PPP6R2: variants seen among roughly 807,000 people sequenced by gnomAD.
PPP6R2 encodes protein phosphatase 6 regulatory subunit 2, also known as serine/threonine-protein phosphatase 6 regulatory subunit 2.
A neutral mutation model predicts 100.2 loss-of-function variants in PPP6R2; 62 were observed. That is an observed-to-expected ratio of 0.62 (90% CI 0.50 to 0.76). The LOEUF (loss-of-function observed/expected upper bound fraction) is 0.76. Ranked by LOEUF, PPP6R2 falls within the 30% of genes least tolerant of loss-of-function variation. The pLI is 0.00. For synonymous variants in PPP6R2, 525 were observed against 514.7 expected (o/e 1.02, Z -0.27); for missense variants, 1,142 against 1,276.3 (o/e 0.89, Z 1.60).
chr22:50,357,354 T>C (rs550960888), intron 1 of PPP6R2, among the ~76,000 whole-genome samples: 4 of 152,252 alleles, frequency 2.6e-5, no homozygotes, highest in South Asian at 4.2e-4. Context: ...TTTTTTGTTA[T>C]ACTAGTTGCT....
At chr22:50,393,567 G>A (rs1372124167) in intron 2 of PPP6R2, 3 of 979,944 alleles carry the variant, frequency 3.1e-6, no homozygotes, top group African/African-American at 1.8e-5. Context: ...AAAGGAGGGG[G>A]TTAGCCCAGA....
intron 2 of PPP6R2, chr22:50,392,063 A>G (rs1242969478): frequency 6.6e-6 from 1 of 151,952 alleles, no homozygotes; most frequent in East Asian, 1.9e-4. Flanking sequence ...AGTATCTGAT[A>G]TGTGTGTGGA....
At chr22:50,341,050 G>A (rs2042364594), upstream of PPP6R2, among the ~76,000 whole-genome samples, 1 of 151,998 alleles carries the variant, frequency 6.6e-6, no homozygotes, top group South Asian at 2.1e-4. Context: ...AGCTGGGACT[G>A]CAGGCGCCCG....
At chr22:50,346,639 C>T (rs2043808987) in intron 1 of PPP6R2, among the ~76,000 whole-genome samples, 1 of 144,612 alleles carries the variant, frequency 6.9e-6, no homozygotes, top group African/African-American at 2.6e-5. Context: ...CATCAGTGCC[C>T]CCCACCGTCA....
chr22:50,383,113 C>G (rs779090684), intron 2 of PPP6R2, among the ~76,000 whole-genome samples: 14 of 152,164 alleles, frequency 9.2e-5, no homozygotes, highest in Non-Finnish European at 1.9e-4. Flanking sequence ...TCTGGGATTA[C>G]AGGCATAAGC....
chr22:50,382,364 T>C lies in PPP6R2; in HGVS notation c.-17+10214T>C, dbSNP rs551970178. The stretch of plus-strand genomic sequence containing the variant: ...CTGTAATCCCAGCACTTTGGGAGGC[T>C]AAGGCGGGCGGATCACAAGGTCAGG... On this transcript the variant is annotated intron_variant, in intron 2 of 23. Coordinates refer to ENST00000612753, the MANE Select transcript of PPP6R2 (RefSeq NM_001242898.2). Among the ~76,000 whole-genome samples, 169 of 151,936 alleles carry C rather than the reference T, an allele frequency of 1.1e-3. 1 individual carries two copies. Among genetic ancestry groups the C allele is most frequent in the Middle Eastern group, 3.4e-3 (1 of 294 alleles).
At chr22:50,414,516 CG>C (rs1556227576) in intron 4 of PPP6R2, 35 bp from the exon 5 acceptor site, 2 of 1,606,578 alleles carry the variant, frequency 1.2e-6, no homozygotes, top group Non-Finnish European at 1.7e-6. Flanking sequence ...TTGTCAGGGT[CG>C]GCCCCGCCTG....
At chr22:50,414,723 C>CA (rs1569453363) in intron 5 of PPP6R2, 34 bp downstream of exon 5, 1 of 1,599,112 alleles carries the variant, frequency 6.3e-7, no homozygotes, top group East Asian at 2.2e-5. Flanking sequence ...TTCCCGAGGG[C>CA]AGGGGTGCTG....
intron 1 of PPP6R2, among the ~76,000 whole-genome samples, chr22:50,355,931 C>T (rs1469072435): frequency 6.7e-6 from 1 of 149,998 alleles, no homozygotes; most frequent in Non-Finnish European, 1.5e-5. Flanking sequence ...TTATGGGGTA[C>T]ATAGTGATGT....
intron 2 of PPP6R2, among the ~76,000 whole-genome samples, chr22:50,377,845 A>G (rs1282611920): frequency 6.6e-6 from 1 of 152,092 alleles, no homozygotes; most frequent in Non-Finnish European, 1.5e-5. Context: ...TGTCTCTACT[A>G]AAAACACAAA....
chr22:50,443,810 C>A (rs1004439150), intron 22 of PPP6R2, 56 bp from the exon 23 acceptor site: 2 of 1,513,606 alleles, frequency 1.3e-6, no homozygotes, highest in African/African-American at 1.4e-5. Flanking sequence ...GGGCATGAGG[C>A]GGGGTGGCAC....
upstream of PPP6R2, among the ~76,000 whole-genome samples, chr22:50,338,732 AGT>A (rs755621747): frequency 3.3e-3 from 205 of 61,818 alleles, no homozygotes; most frequent in East Asian, 0.014. Context: ...TGTGGTGTGT[AGT>A]GTGTGTGTTA....
chr22:50,339,559 GTGTGTGGTA>G, upstream of PPP6R2, among the ~76,000 whole-genome samples: 1 of 141,400 alleles, frequency 7.1e-6, no homozygotes, highest in Middle Eastern at 3.8e-3. Flanking sequence ...TGTGTGTGGT[GTGTGTGGTA>G]TGTAGTGTGT....
chr22:50,438,399 G>T, intron 18 of PPP6R2, 101 bp downstream of exon 18: 2 of 1,531,722 alleles, frequency 1.3e-6, no homozygotes, highest in Admixed American at 3.9e-5. Context: ...TTGCAGAGCA[G>T]CCACACCTGT....
At chr22:50,425,953 T>C (rs1249619126) in intron 10 of PPP6R2, among the ~76,000 whole-genome samples, 1 of 151,900 alleles carries the variant, frequency 6.6e-6, no homozygotes, top group African/African-American at 2.4e-5. Flanking sequence ...TATGCAAATA[T>C]TTTCTTTGGG....
chr22:50,423,384 T>C lies in PPP6R2; in HGVS notation c.973-78T>C. The C allele has an allele frequency of 1.3e-6, 2 of 1,573,008 alleles. No individual in the cohort carries two copies. The highest frequency in any genetic ancestry group is 1.7e-5 in the Admixed American group (1 of 58,596). ...CAGGCTGGGTCCCAGCCTAGAGTGA[T>C]GGGCATGAGCCCAGAGACTCCAGCA... On this transcript the variant is annotated intron_variant, in intron 9 of 23. Coordinates refer to ENST00000612753, the MANE Select transcript of PPP6R2 (RefSeq NM_001242898.2). The surrounding 1 kb of genome is among the most constrained non-coding windows in gnomAD (Gnocchi z 4.8).
the PPP6R2 span, among the ~76,000 whole-genome samples, chr22:50,337,937 C>CT: frequency 1.3e-4 from 9 of 70,284 alleles, no homozygotes; most frequent in African/African-American, 4.6e-4. Flanking sequence ...GGGGTGTGTG[C>CT]ATGTGTGTGT....
chr22:50,442,206 C>T (rs1187756017), intron 22 of PPP6R2, among the ~76,000 whole-genome samples: 1 of 152,214 alleles, frequency 6.6e-6, no homozygotes. Context: ...GCAGGCCTGA[C>T]ACCTCAGAGG....
chr22:50,353,505 G>C (rs112290394), intron 1 of PPP6R2, among the ~76,000 whole-genome samples: 5 of 152,144 alleles, frequency 3.3e-5, no homozygotes, highest in African/African-American at 1.2e-4. Flanking sequence ...CCGATAACAG[G>C]TCACCATAAC....
Sources: gnomAD v4.1 joint callset for allele counts (sites outside exome capture counted in the v4.1 genomes callset) on GRCh38, gnomAD v4.1.1 for gene constraint, Gnocchi (gnomAD v3.1) non-coding constraint, MANE v1.5 for transcripts, NCBI Gene and HGNC (gene_info 2026-07-23, HGNC 2026-07-21) for gene names.